Variants in KCNIP4 observed in about 807,000 individuals in gnomAD.
KCNIP4 encodes the protein potassium voltage-gated channel interacting protein 4.
KCNIP4 carries 12 observed loss-of-function variants against 34.0 expected under a neutral mutation model. The observed-to-expected ratio is 0.35, with a 90% confidence interval of 0.23 to 0.57. KCNIP4 has a LOEUF of 0.57. Among genes scored for constraint, KCNIP4 ranks in the 20% least tolerant of loss-of-function variants. The pLI, the probability that KCNIP4 is intolerant of heterozygous loss-of-function variation, is 0.83. For missense variants in KCNIP4, 238 were observed against 311.7 expected, an observed-to-expected ratio of 0.76 and a Z score of 1.78; for synonymous variants, 124 against 102.2, an observed-to-expected ratio of 1.21 and a Z score of -1.29.
intron 1 of KCNIP4, among the ~76,000 whole-genome samples, chr4:21,504,512 G>GAAAGAAAGAAAGA (rs1560467114): frequency 6.2e-5 from 8 of 129,372 alleles, no homozygotes; most frequent in African/African-American, 2.2e-4. Context: ...AGAAAGGAAG[G>GAAAGAAAGAAAGA]AAGGAAGAAA....
chr4:21,099,666 T>TA (rs1747770711), intron 1 of KCNIP4, among the ~76,000 whole-genome samples: 1 of 152,134 alleles, frequency 6.6e-6, no homozygotes, highest in Admixed American at 6.6e-5. Context: ...TTCTTAATGT[T>TA]ATAGCTGCCA....
intron 1 of KCNIP4, among the ~76,000 whole-genome samples, chr4:21,209,828 C>T (rs971680446): frequency 1.3e-5 from 2 of 152,064 alleles, no homozygotes; most frequent in African/African-American, 2.4e-5. Flanking sequence ...AATCCTCCAC[C>T]AAATAAATGA....
chr4:21,323,923 T>A (rs1175480476), intron 1 of KCNIP4, among the ~76,000 whole-genome samples: 1 of 152,054 alleles, frequency 6.6e-6, no homozygotes, highest in Non-Finnish European at 1.5e-5. Flanking sequence ...ACTGAATGTC[T>A]TTTAGATAAA....
At chr4:21,359,238 G>A (rs1343372260) in intron 1 of KCNIP4, among the ~76,000 whole-genome samples, 3 of 151,948 alleles carry the variant, frequency 2.0e-5, no homozygotes, top group Admixed American at 6.6e-5. Context: ...CTTGAGCTGG[G>A]AAATTTCTTC....
chr4:20,820,744 G>A lies in KCNIP4; in HGVS notation c.288+29799C>T, dbSNP rs1578698027. Among the ~76,000 whole-genome samples, 5 of 152,298 alleles carry A rather than the reference G, an allele frequency of 3.3e-5. No homozygotes were observed. The South Asian group carries it at 1.0e-3, about 32-fold the overall frequency. ...TGAGAGCAGAATGGGTTCAAAGGAT[G>A]GGGGCCAAGGTCCCTGTGGGACTTT... On this transcript the variant is annotated intron_variant, in intron 3 of 8. Transcript: ENST00000382152.
At chr4:21,541,530 G>T (rs115316535) in intron 1 of KCNIP4, among the ~76,000 whole-genome samples, 4,204 of 152,290 alleles carry the variant, frequency 0.028, 92 homozygotes, top group Middle Eastern at 0.078. Context: ...CAGATTTATA[G>T]TGAAGTTAAC....
intron 1 of KCNIP4, among the ~76,000 whole-genome samples, chr4:21,253,092 CA>C (rs1229974095): frequency 1.3e-5 from 2 of 152,192 alleles, no homozygotes; most frequent in African/African-American, 2.4e-5. Flanking sequence ...TCTGTGACAT[CA>C]ATGAGTGTTT....
chr4:21,504,337 G>A (rs369429579), intron 1 of KCNIP4, among the ~76,000 whole-genome samples: 22 of 151,574 alleles, frequency 1.5e-4, no homozygotes, highest in African/African-American at 3.9e-4. Context: ...GCATGGTGGC[G>A]CGTGCCTGTA....
intron 1 of KCNIP4, among the ~76,000 whole-genome samples, chr4:21,614,820 T>A (rs17486399): frequency 0.15 from 22,947 of 152,034 alleles, 2,045 homozygotes; most frequent in South Asian, 0.21. Flanking sequence ...CCTATGGGCA[T>A]ATTCTGGGAA....
At chr4:21,878,071 G>A (rs879269412) in intron 1 of KCNIP4, among the ~76,000 whole-genome samples, 4 of 152,104 alleles carry the variant, frequency 2.6e-5, no homozygotes, top group Non-Finnish European at 5.9e-5. Context: ...GTTTTGAGAT[G>A]CAGTCTCTCT....
rs1417102600 is a variant in KCNIP4 at position 21,577,937 on chromosome 4, AT to A, written c.61+370633del. On this transcript the variant is annotated intron_variant, in intron 1 of 8. Coordinates refer to ENST00000382152, the MANE Select transcript of KCNIP4 (RefSeq NM_025221.6). ...CAGCCACTTTACTATTCTTACATAT[AT>A]TCTGGAGAATTGTTTTAGAAAACTC... Among the ~76,000 whole-genome samples, 3 of 152,212 alleles carry A rather than the reference AT, an allele frequency of 2.0e-5. No individual in the cohort carries two copies. In the South Asian group the frequency reaches 6.2e-4, roughly 31 times the overall value.
chr4:21,657,381 T>C (rs1158271644), intron 1 of KCNIP4, among the ~76,000 whole-genome samples: 1 of 152,208 alleles, frequency 6.6e-6, no homozygotes. Context: ...CTTTCTTCAT[T>C]CCATACTTTG....
At chr4:20,731,875 G>A (rs1234166496) in intron 8 of KCNIP4, 131 bp downstream of exon 8, 5 of 1,447,516 alleles carry the variant, frequency 3.5e-6, no homozygotes, top group Non-Finnish European at 4.5e-6. Flanking sequence ...GGCTTATGCT[G>A]CATGTTGTAG....
intron 5 of KCNIP4, among the ~76,000 whole-genome samples, chr4:20,741,220 C>A (rs1751003019): frequency 6.6e-6 from 1 of 152,118 alleles, no homozygotes; most frequent in African/African-American, 2.4e-5. Context: ...AGCAAGCGGA[C>A]CTAATAGACA....
At chr4:21,647,036 T>C (rs1747072307) in intron 1 of KCNIP4, among the ~76,000 whole-genome samples, 2 of 152,210 alleles carry the variant, frequency 1.3e-5, no homozygotes, top group East Asian at 3.9e-4. Context: ...TGAAAGTGAA[T>C]AGAATGGTGA....
At chr4:21,021,566 T>C (rs554017197) in intron 1 of KCNIP4, among the ~76,000 whole-genome samples, 2 of 152,238 alleles carry the variant, frequency 1.3e-5, no homozygotes, top group Non-Finnish European at 2.9e-5. Flanking sequence ...TTCTATTAAT[T>C]ATTTTACTTT....
intron 1 of KCNIP4, among the ~76,000 whole-genome samples, chr4:21,223,485 T>C (rs181459767): frequency 1.7e-4 from 26 of 152,216 alleles, no homozygotes; most frequent in African/African-American, 5.3e-4. Flanking sequence ...CTGCTTTGCA[T>C]ATGAATCGTC....
intron 1 of KCNIP4, among the ~76,000 whole-genome samples, chr4:21,022,935 G>A (rs967536027): frequency 2.6e-5 from 4 of 151,806 alleles, no homozygotes; most frequent in African/African-American, 7.3e-5. Context: ...AAGCAATTCC[G>A]CCTCAGCCTC....
intron 1 of KCNIP4, among the ~76,000 whole-genome samples, chr4:21,880,307 G>A (rs1029938516): frequency 6.6e-6 from 1 of 152,060 alleles, no homozygotes; most frequent in African/African-American, 2.4e-5. Context: ...AATTATCATG[G>A]TAAGCAAATC....
Sources: gnomAD v4.1 joint callset for allele counts (sites outside exome capture counted in the v4.1 genomes callset) on GRCh38, gnomAD v4.1.1 for gene constraint, MANE v1.5 for transcripts, NCBI Gene and HGNC (gene_info 2026-07-23, HGNC 2026-07-21) for gene names.